The following KDM4B variants were observed in gnomAD, a reference collection of about 807,000 sequenced individuals.
KDM4B encodes the protein lysine demethylase 4B.
A neutral mutation model predicts 125.2 loss-of-function variants in KDM4B; 32 were observed. That is an observed-to-expected ratio of 0.26 (90% CI 0.19 to 0.34). KDM4B has a LOEUF of 0.34. Among genes scored for constraint, KDM4B ranks in the 10% least tolerant of loss-of-function variants. The probability of loss-of-function intolerance (pLI) is 1.00; values close to 1 mark genes in which losing one functional copy is unlikely to be tolerated. For missense variants in KDM4B, 1,190 were observed against 1,577.7 expected (o/e 0.75, Z 4.16); for synonymous variants, 721 against 677.9 (o/e 1.06, Z -0.99).
intron 9 of KDM4B, among the ~76,000 whole-genome samples, chr19:5,084,999 G>A (rs1309333496): frequency 6.6e-6 from 1 of 152,090 alleles, no homozygotes; most frequent in Non-Finnish European, 1.5e-5. Flanking sequence ...AGCCACCACA[G>A]CACACCACCT....
chr19:4,988,201 A>G (rs2034907125), intron 1 of KDM4B, among the ~76,000 whole-genome samples: 1 of 152,224 alleles, frequency 6.6e-6, no homozygotes, highest in Non-Finnish European at 1.5e-5. Flanking sequence ...CCCACGGCCC[A>G]TGCCAGTCAC....
chr19:5,039,739 G>T, intron 3 of KDM4B, 97 bp from the exon 4 acceptor site: 1 of 1,381,992 alleles, frequency 7.2e-7, no homozygotes, highest in Non-Finnish European at 1.0e-6. Flanking sequence ...GCAGATCTTG[G>T]GGGGTGCTGG....
intron 18 of KDM4B, among the ~76,000 whole-genome samples, chr19:5,138,742 G>C (rs1452611007): frequency 5.9e-5 from 9 of 152,118 alleles, no homozygotes; most frequent in Admixed American, 5.9e-4. Flanking sequence ...ATTCACCACG[G>C]GCCCAGTGGT....
chr19:5,032,312 G>A (rs1003643284), intron 2 of KDM4B, among the ~76,000 whole-genome samples: 6 of 152,224 alleles, frequency 3.9e-5, no homozygotes, highest in African/African-American at 1.4e-4. Flanking sequence ...GTCTTGGGCG[G>A]GCCTGCTGCT....
chr19:5,026,284 C>A (rs902167316), intron 2 of KDM4B, among the ~76,000 whole-genome samples: 2 of 150,788 alleles, frequency 1.3e-5, no homozygotes, highest in Non-Finnish European at 3.0e-5. Context: ...TGCGGCCTCC[C>A]AAAGTGCTGG....
At chr19:5,134,423 G>T (rs749504504) in intron 14 of KDM4B, among the ~76,000 whole-genome samples, 22 of 152,162 alleles carry the variant, frequency 1.4e-4, no homozygotes, top group Admixed American at 7.2e-4. Flanking sequence ...TGGCCGGGCG[G>T]GGCTCCCGCA....
At chr19:4,981,864 A>G (rs1422035385) in intron 1 of KDM4B, among the ~76,000 whole-genome samples, 1 of 152,212 alleles carries the variant, frequency 6.6e-6, no homozygotes, top group Non-Finnish European at 1.5e-5. Context: ...GGAAGACCCC[A>G]TGGCAGGGGG....
intron 6 of KDM4B, among the ~76,000 whole-genome samples, chr19:5,052,166 C>T (rs2037247974): frequency 1.3e-5 from 2 of 152,290 alleles, no homozygotes; most frequent in South Asian, 4.1e-4. Context: ...TCAGCTACAC[C>T]TTGAGTTTTC....
chr19:5,012,011 G>A (rs530574183), intron 1 of KDM4B, among the ~76,000 whole-genome samples: 20 of 152,216 alleles, frequency 1.3e-4, no homozygotes, highest in Admixed American at 2.0e-4. Flanking sequence ...TGGCTGTTAC[G>A]TAATCGGTAG....
At chr19:5,046,427 G>A (rs1052915959) in intron 5 of KDM4B, among the ~76,000 whole-genome samples, 2 of 152,212 alleles carry the variant, frequency 1.3e-5, no homozygotes, top group African/African-American at 4.8e-5. Flanking sequence ...TCCTGCCAGG[G>A]CTCACCTTGC....
intron 11 of KDM4B, among the ~76,000 whole-genome samples, chr19:5,127,025 G>A (rs2039461365): frequency 6.6e-6 from 1 of 152,220 alleles, no homozygotes; most frequent in Admixed American, 6.5e-5. Context: ...TGGAAACCCC[G>A]GCGCTGGGGA....
At chr19:5,145,901 C>T (rs757454677) in intron 21 of KDM4B, among the ~76,000 whole-genome samples, 33 of 152,224 alleles carry the variant, frequency 2.2e-4, no homozygotes, top group Non-Finnish European at 4.7e-4. Context: ...CTCTTTACCA[C>T]GTCGGTTAAG....
chr19:4,976,691 A>T (rs1458410011), intron 1 of KDM4B, among the ~76,000 whole-genome samples: 1 of 152,240 alleles, frequency 6.6e-6, no homozygotes, highest in Non-Finnish European at 1.5e-5. Flanking sequence ...AGAAAGCCTC[A>T]TGAGGGAGGT....
At chr19:5,048,138 G>T (rs1398505840) in intron 6 of KDM4B, among the ~76,000 whole-genome samples, 1 of 152,236 alleles carries the variant, frequency 6.6e-6, no homozygotes, top group Non-Finnish European at 1.5e-5. Flanking sequence ...AGTTAGGAGG[G>T]CAGGGCGTGG....
intron 2 of KDM4B, among the ~76,000 whole-genome samples, chr19:5,029,393 G>A (rs2036380496): frequency 1.3e-5 from 2 of 152,236 alleles, no homozygotes; most frequent in African/African-American, 4.8e-5. Flanking sequence ...GACCTGGAAG[G>A]TCAGTCACAG....
intron 2 of KDM4B, among the ~76,000 whole-genome samples, chr19:5,028,381 T>C (rs2036347651): frequency 6.6e-6 from 1 of 152,158 alleles, no homozygotes; most frequent in Non-Finnish European, 1.5e-5. Context: ...GTCCTCAAGG[T>C]TCCTCCATGT....
At chr19:5,098,951 G>T (rs1204966128) in intron 9 of KDM4B, among the ~76,000 whole-genome samples, 1 of 152,234 alleles carries the variant, frequency 6.6e-6, no homozygotes, top group Non-Finnish European at 1.5e-5. Flanking sequence ...GTTCATTCCA[G>T]TCACTTCCTC....
At chr19:5,069,053 G>T (rs2037864711) in intron 6 of KDM4B, among the ~76,000 whole-genome samples, 1 of 152,112 alleles carries the variant, frequency 6.6e-6, no homozygotes, top group Non-Finnish European at 1.5e-5. Flanking sequence ...CCACAAAGGT[G>T]CTTTGGATTG....
chr19:5,041,980 G>A (rs2036834853), intron 5 of KDM4B, among the ~76,000 whole-genome samples: 1 of 152,216 alleles, frequency 6.6e-6, no homozygotes, highest in African/African-American at 2.4e-5. Flanking sequence ...ATGACACGGA[G>A]GATTCTGTTC....
Sources: gnomAD v4.1 joint callset for allele counts (sites outside exome capture counted in the v4.1 genomes callset) on GRCh38, gnomAD v4.1.1 for gene constraint, MANE v1.5 for transcripts, NCBI Gene and HGNC (gene_info 2026-07-23, HGNC 2026-07-21) for gene names.